PCAT7: variants seen among roughly 807,000 people sequenced by gnomAD.
The protein encoded by PCAT7 is prostate cancer associated transcript 7.
intron 2 of PCAT7, among the ~76,000 whole-genome samples, chr9:94,559,646 A>G (rs1587834180): frequency 6.6e-6 from 1 of 152,182 alleles, no homozygotes; most frequent in Middle Eastern, 3.4e-3. Context: ...TTGTCTAACT[A>G]GTTTGCCGGT....
Position 94,571,645 on chromosome 9 carries a change from T to C in PCAT7, n.442-1334T>C, listed in dbSNP as rs111655429. 58 of 1,543,630 alleles carry C rather than the reference T, an allele frequency of 3.8e-5. No homozygotes were observed. The African/African-American group carries it at 5.7e-4, about 15-fold the overall frequency. On this transcript the variant is annotated intron_variant and non_coding_transcript_variant, in intron 2 of 8. Transcript: ENST00000647389. The stretch of plus-strand genomic sequence containing the variant: ...AAATGCCATGTGTTATTGTTGTCTC[T>C]GGAGAGAACACTTTGCCAGGGGCCT...
intron 2 of PCAT7, among the ~76,000 whole-genome samples, chr9:94,564,093 A>G (rs888397183): frequency 1.3e-5 from 2 of 152,158 alleles, no homozygotes; most frequent in African/African-American, 2.4e-5. Flanking sequence ...AAATTAACGA[A>G]GATACTCAAG....
chr9:94,554,919 T>C (rs1335686436), upstream of PCAT7: 2 of 152,356 alleles, frequency 1.3e-5, no homozygotes, highest in African/African-American at 4.8e-5. Context: ...ATGCTTTATA[T>C]ACTGAGGTTA....
At chr9:94,574,508 T>G (rs562502876) in intron 3 of PCAT7, among the ~76,000 whole-genome samples, 2 of 152,190 alleles carry the variant, frequency 1.3e-5, no homozygotes, top group Non-Finnish European at 2.9e-5. Flanking sequence ...ATTCAACTTC[T>G]TGTTTATTTT....
intron 2 of PCAT7, among the ~76,000 whole-genome samples, chr9:94,572,054 AC>A (rs1827275479): frequency 6.6e-6 from 1 of 151,914 alleles, no homozygotes; most frequent in Non-Finnish European, 1.5e-5. Flanking sequence ...AAGATTAACA[AC>A]CTACTGCAGC....
intron 2 of PCAT7, chr9:94,569,298 G>C (rs750120936): frequency 1.3e-5 from 2 of 152,290 alleles, no homozygotes; most frequent in Non-Finnish European, 2.9e-5. Context: ...CCACTGCCGT[G>C]CTTCCTGCTT....
At chr9:94,571,617 G>A (rs377577284) in intron 2 of PCAT7, 1 of 1,605,580 alleles carries the variant, frequency 6.2e-7, no homozygotes, top group Non-Finnish European at 8.5e-7. Context: ...GGAAGAGAGG[G>A]ATAAATGCCA....
intron 2 of PCAT7, chr9:94,563,209 C>T (rs758509036): frequency 3.9e-4 from 396 of 1,007,016 alleles, no homozygotes; most frequent in South Asian, 1.2e-3. Context: ...AAACAGAGTT[C>T]ATTTTTCCTC....
chr9:94,562,874 A>G (rs1430618526), intron 2 of PCAT7, among the ~76,000 whole-genome samples: 1 of 152,210 alleles, frequency 6.6e-6, no homozygotes, highest in Non-Finnish European at 1.5e-5. Context: ...GAAATTCTCT[A>G]GGGGATACTT....
chr9:94,565,457 T>G (rs983329468), intron 2 of PCAT7, among the ~76,000 whole-genome samples: 7 of 152,218 alleles, frequency 4.6e-5, no homozygotes, highest in African/African-American at 1.7e-4. Context: ...TCTTATATTT[T>G]TTGTTGTCTT....
At chr9:94,560,039 C>G (rs1181217711) in intron 2 of PCAT7, among the ~76,000 whole-genome samples, 1 of 152,190 alleles carries the variant, frequency 6.6e-6, no homozygotes, top group East Asian at 1.9e-4. Flanking sequence ...GTGGGAGGAT[C>G]AACTGAGCCC....
intron 2 of PCAT7, among the ~76,000 whole-genome samples, chr9:94,565,756 AATAGATACATAGATGATAG>A (rs1372836791): frequency 9.9e-6 from 1 of 100,880 alleles, no homozygotes; most frequent in African/African-American, 3.3e-5. Context: ...ATAGATAGAA[AATAGATACATAGATGATAG>A]ATAGATAGAT....
At chr9:94,556,505 A>T (rs958692809) in intron 1 of PCAT7, among the ~76,000 whole-genome samples, 1 of 152,080 alleles carries the variant, frequency 6.6e-6, no homozygotes, top group Non-Finnish European at 1.5e-5. Flanking sequence ...ATGGTGGGGG[A>T]CAAAGGTTTT....
At chr9:94,565,819 G>A (rs1227128631) in intron 2 of PCAT7, among the ~76,000 whole-genome samples, 4 of 152,014 alleles carry the variant, frequency 2.6e-5, no homozygotes, top group Admixed American at 6.5e-5. Context: ...GGGAGGGAGC[G>A]AGGGCAGGAG....
intron 2 of PCAT7, chr9:94,559,208 G>A (rs971557153): frequency 1.5e-6 from 2 of 1,366,560 alleles, no homozygotes; most frequent in African/African-American, 1.4e-5. Flanking sequence ...AAAGCTGGGG[G>A]AGGAGTTTGT....
Position 94,571,556 on chromosome 9 carries a change from C to G in PCAT7, n.442-1423C>G. Reference sequence around the variant, plus strand: ...CGCATAACCTGCGGCCACAATATTGCGGCCACACTGCAGGGCATCCTTTTC... The same window carrying G: ...CGCATAACCTGCGGCCACAATATTGGGGCCACACTGCAGGGCATCCTTTTC... On this transcript the variant is annotated intron_variant and non_coding_transcript_variant, in intron 2 of 8. Transcript: ENST00000647389. 1.9e-6 allele frequency: 3 copies of G among 1,613,596 alleles called. 1 individual carries two copies. In the South Asian group the frequency reaches 3.3e-5, roughly 18 times the overall value.
At chr9:94,556,674 C>G (rs1827017087) in intron 1 of PCAT7, among the ~76,000 whole-genome samples, 1 of 152,174 alleles carries the variant, frequency 6.6e-6, no homozygotes, top group South Asian at 2.1e-4. Context: ...GCTTCCTCTG[C>G]TTTGGAAAAG....
At chr9:94,562,037 C>T (rs976387625) in intron 2 of PCAT7, among the ~76,000 whole-genome samples, 16 of 152,048 alleles carry the variant, frequency 1.1e-4, no homozygotes, top group Non-Finnish European at 2.1e-4. Flanking sequence ...CTTCGCCGGG[C>T]GCTGTGACTC....
intron 3 of PCAT7, among the ~76,000 whole-genome samples, chr9:94,573,631 A>G (rs112048156): frequency 0.022 from 3,388 of 152,278 alleles, 130 homozygotes; most frequent in African/African-American, 0.077. Flanking sequence ...GATTACACTG[A>G]CTGATTATGA....
Sources: allele counts gnomAD v4.1 joint callset (sites outside exome capture counted in the v4.1 genomes callset), GRCh38; gene constraint gnomAD v4.1.1; transcripts MANE v1.5; gene names NCBI Gene and HGNC (gene_info 2026-07-23, HGNC 2026-07-21).